The following NRXN1 variants were observed in gnomAD, a reference collection of about 807,000 sequenced individuals.
NRXN1 encodes the protein neurexin 1.
A neutral mutation model predicts 150.9 loss-of-function variants in NRXN1; 39 were observed. That is an observed-to-expected ratio of 0.26 (90% CI 0.20 to 0.34). The LOEUF is 0.34. Among genes scored for constraint, NRXN1 ranks in the 10% least tolerant of loss-of-function variants. NRXN1 has a pLI of 1.00. For synonymous variants in NRXN1, 924 were observed against 757.0 expected (o/e 1.22, Z -3.62); for missense variants, 1,815 against 1,949.9 (o/e 0.93, Z 1.30).
At chr2:50,426,068 T>G (rs2084456955) in intron 17 of NRXN1, among the ~76,000 whole-genome samples, 1 of 152,194 alleles carries the variant, frequency 6.6e-6, no homozygotes, top group Non-Finnish European at 1.5e-5. Flanking sequence ...TTGTGATACC[T>G]GAAATCAAAT....
At chr2:50,036,089 T>C (rs2152572278) in intron 21 of NRXN1, among the ~76,000 whole-genome samples, 1 of 152,274 alleles carries the variant, frequency 6.6e-6, no homozygotes, top group Middle Eastern at 3.4e-3. Context: ...GGCTTGGTTG[T>C]GTCCCTACCC....
intron 5 of NRXN1, among the ~76,000 whole-genome samples, chr2:50,786,399 T>C (rs1029733448): frequency 5.9e-5 from 9 of 152,104 alleles, no homozygotes; most frequent in African/African-American, 2.2e-4. Context: ...TACCTACCAG[T>C]TGTGAAGAAA....
rs766786482 is a variant in NRXN1 at position 50,053,548 on chromosome 2, A to G, written c.3851T>C (p.Ile1284Thr). ...GGGCTGGCCCTGCTCTTTCCCGCCA[A>G]TTATTATGGTTGCTTGGCTATTGAA... ...TIFNSQATII[I>T]GGKEQGQPFQ... The change falls in exon 21 of 23, where the codon ATT becomes ACT. Residue 1284 changes from isoleucine to threonine, a missense_variant. This residue lies in a region of NRXN1 where 265 missense variants were observed against 307.1 expected (regional missense o/e 0.86). Transcript: ENST00000401669. 4 of 1,613,930 alleles carry G rather than the reference A, an allele frequency of 2.5e-6. No homozygotes were observed. Among genetic ancestry groups the G allele is most frequent in the East Asian group, 4.5e-5 (2 of 44,890 alleles).
At chr2:50,305,850 T>C (rs941238357) in intron 17 of NRXN1, among the ~76,000 whole-genome samples, 2 of 152,234 alleles carry the variant, frequency 1.3e-5, no homozygotes. Flanking sequence ...AGCTATCCCT[T>C]CTTTTCCCTG....
chr2:50,577,848 G>C (rs1272188983), intron 8 of NRXN1, among the ~76,000 whole-genome samples: 7 of 151,990 alleles, frequency 4.6e-5, no homozygotes, highest in African/African-American at 1.7e-4. Context: ...GGAATAAATT[G>C]TTAAAACAGT....
intron 5 of NRXN1, 150 bp from the exon 6 acceptor site, chr2:50,623,765 T>C: frequency 3.5e-6 from 2 of 575,904 alleles, no homozygotes; most frequent in South Asian, 5.2e-5. Context: ...AACAGTACTG[T>C]ACAGGGCAGT....
intron 17 of NRXN1, among the ~76,000 whole-genome samples, chr2:50,297,607 G>T (rs569723592): frequency 6.6e-6 from 1 of 152,188 alleles, no homozygotes; most frequent in African/African-American, 2.4e-5. Context: ...TTTTCACTCT[G>T]CCATAATATT....
At chr2:51,016,333 G>A (rs1409324801) in intron 2 of NRXN1, among the ~76,000 whole-genome samples, 2 of 152,094 alleles carry the variant, frequency 1.3e-5, no homozygotes, top group Non-Finnish European at 2.9e-5. Context: ...CTGCAGAATG[G>A]GAGAAAATTT....
At chr2:49,943,604 G>T in intron 22 of NRXN1, 100 bp downstream of exon 22, 1 of 773,004 alleles carries the variant, frequency 1.3e-6, no homozygotes, top group Non-Finnish European at 2.3e-6. Context: ...GGTATAGGAG[G>T]GTAGCCTTCT....
intron 10 of NRXN1, among the ~76,000 whole-genome samples, chr2:50,537,727 T>C (rs77103163): frequency 0.018 from 2,727 of 152,250 alleles, 44 homozygotes; most frequent in Middle Eastern, 0.061. Flanking sequence ...CCTTAGATGA[T>C]TGAAAGTCAG....
intron 21 of NRXN1, among the ~76,000 whole-genome samples, chr2:50,041,964 G>T (rs1002171826): frequency 6.6e-6 from 1 of 152,090 alleles, no homozygotes; most frequent in African/African-American, 2.4e-5. Context: ...GACAACTACT[G>T]GTGCCTCCTT....
At chr2:50,797,552 G>A (rs569930416) in intron 5 of NRXN1, among the ~76,000 whole-genome samples, 2 of 152,184 alleles carry the variant, frequency 1.3e-5, no homozygotes, top group East Asian at 3.9e-4. Flanking sequence ...CTAGATCATG[G>A]GTAGACTTTG....
At chr2:50,613,853 G>T (rs2104132727) in intron 8 of NRXN1, among the ~76,000 whole-genome samples, 1 of 152,242 alleles carries the variant, frequency 6.6e-6, no homozygotes, top group African/African-American at 2.4e-5. Flanking sequence ...CAGGAGAATG[G>T]CGTGAACCCA....
intron 17 of NRXN1, among the ~76,000 whole-genome samples, chr2:50,338,397 A>C (rs968710234): frequency 2.0e-5 from 3 of 152,220 alleles, no homozygotes; most frequent in African/African-American, 7.2e-5. Flanking sequence ...ATGAAATAAA[A>C]GGAAATAAGC....
chr2:50,340,447 A>C (rs2077473133), intron 17 of NRXN1, among the ~76,000 whole-genome samples: 1 of 152,210 alleles, frequency 6.6e-6, no homozygotes, highest in Non-Finnish European at 1.5e-5. Flanking sequence ...TTGCGAGACA[A>C]GTACTAGGCC....
chr2:50,649,894 T>A (rs1255546822), intron 5 of NRXN1, among the ~76,000 whole-genome samples: 1 of 151,948 alleles, frequency 6.6e-6, no homozygotes, highest in Non-Finnish European at 1.5e-5. Flanking sequence ...TGTCCCTAAA[T>A]GAAGAAAAAC....
chr2:49,958,820 C>G (rs918797125), intron 21 of NRXN1, among the ~76,000 whole-genome samples: 1 of 152,160 alleles, frequency 6.6e-6, no homozygotes, highest in Non-Finnish European at 1.5e-5. Context: ...CTTTTGTCAG[C>G]CTTTATAGAC....
intron 17 of NRXN1, among the ~76,000 whole-genome samples, chr2:50,382,768 T>A (rs930405134): frequency 6.6e-6 from 1 of 152,074 alleles, no homozygotes; most frequent in Non-Finnish European, 1.5e-5. Flanking sequence ...GATTAGCGAG[T>A]GGGAAGACAG....
At chr2:50,748,913 G>A (rs896578703) in intron 5 of NRXN1, among the ~76,000 whole-genome samples, 1 of 152,082 alleles carries the variant, frequency 6.6e-6, no homozygotes, top group Admixed American at 6.6e-5. Flanking sequence ...AATACAGTAA[G>A]TATGTCTAAT....
Sources: allele counts gnomAD v4.1 joint callset (sites outside exome capture counted in the v4.1 genomes callset), GRCh38; gene constraint gnomAD v4.1.1; regional missense constraint gnomAD v4.1.1; transcripts MANE v1.5; gene names NCBI Gene and HGNC (gene_info 2026-07-23, HGNC 2026-07-21).